The following CDC42SE2 variants were observed in gnomAD, a reference collection of about 807,000 sequenced individuals.
CDC42SE2 encodes CDC42 small effector protein 2.
CDC42SE2 carries 3 observed loss-of-function variants against 11.5 expected under a neutral mutation model. The ratio of observed to expected loss-of-function variants is 0.26; its 90% confidence interval spans 0.12 to 0.67. CDC42SE2 has a LOEUF of 0.67. Ranked by LOEUF, CDC42SE2 falls within the 30% of genes least tolerant of loss-of-function variation. The probability of loss-of-function intolerance (pLI) is 0.80; values close to 1 mark genes in which losing one functional copy is unlikely to be tolerated. For synonymous variants in CDC42SE2, 33 were observed against 34.8 expected, an observed-to-expected ratio of 0.95 and a Z score of 0.18; for missense variants, 82 against 106.8, an observed-to-expected ratio of 0.77 and a Z score of 1.02.
chr5:131,356,389 A>G (rs1233742202), intron 2 of CDC42SE2, among the ~76,000 whole-genome samples: 1 of 152,236 alleles, frequency 6.6e-6, no homozygotes, highest in African/African-American at 2.4e-5. Flanking sequence ...AGGTGTTTAT[A>G]TGTAAATATG....
At chr5:131,361,806 G>C (rs1278708487) in intron 3 of CDC42SE2, among the ~76,000 whole-genome samples, 1 of 152,110 alleles carries the variant, frequency 6.6e-6, no homozygotes, top group Non-Finnish European at 1.5e-5. Context: ...TAACTGCCCC[G>C]GCCAAACTCC....
At chr5:131,220,151 G>A in the CDC42SE2 span, among the ~76,000 whole-genome samples, 504 of 152,200 alleles carry the variant, frequency 3.3e-3, 5 homozygotes, top group African/African-American at 0.012. Context: ...ATTTAATTAT[G>A]CCATTGTTTT....
At chr5:131,230,362 A>C in the CDC42SE2 span, among the ~76,000 whole-genome samples, 1 of 152,188 alleles carries the variant, frequency 6.6e-6, no homozygotes, top group Non-Finnish European at 1.5e-5. Context: ...TTATTAACCA[A>C]TTTTTGAAAA....
Position 131,358,665 on chromosome 5 carries a change from T to G in CDC42SE2, c.-285-544T>G, listed in dbSNP as rs1354348746. 2.0e-5 allele frequency among the ~76,000 whole-genome samples: 3 copies of G among 152,144 alleles called. No homozygotes were observed. The East Asian group carries it at 5.8e-4, about 29-fold the overall frequency. Reference sequence around the variant, plus strand: ...GAGTGGTAGGGATCTAATAGCTCGATTCACAGAAGAAAGCCAACTTAACCT... The same window carrying G: ...GAGTGGTAGGGATCTAATAGCTCGAGTCACAGAAGAAAGCCAACTTAACCT... On this transcript the variant is annotated intron_variant, in intron 2 of 4. Coordinates refer to ENST00000505065, the MANE Select transcript of CDC42SE2 (RefSeq NM_001375635.1).
At chr5:131,282,240 A>T (rs911366482) in intron 1 of CDC42SE2, among the ~76,000 whole-genome samples, 1 of 152,254 alleles carries the variant, frequency 6.6e-6, no homozygotes, top group African/African-American at 2.4e-5. Context: ...TTCCTGAGAA[A>T]TCGAAACATT....
At chr5:131,329,004 C>A (rs1758355563) in intron 2 of CDC42SE2, among the ~76,000 whole-genome samples, 1 of 152,138 alleles carries the variant, frequency 6.6e-6, no homozygotes, top group Non-Finnish European at 1.5e-5. Context: ...GCTCCCCTGC[C>A]CCTTGTACAA....
At chr5:131,308,403 G>A (rs1044166872) in intron 1 of CDC42SE2, among the ~76,000 whole-genome samples, 14 of 151,938 alleles carry the variant, frequency 9.2e-5, no homozygotes, top group Non-Finnish European at 1.9e-4. Flanking sequence ...TGTTCTTTTG[G>A]CTTAGGATTG....
intron 1 of CDC42SE2, among the ~76,000 whole-genome samples, chr5:131,275,911 A>G (rs1757091230): frequency 6.6e-6 from 1 of 151,912 alleles, no homozygotes; most frequent in Non-Finnish European, 1.5e-5. Flanking sequence ...TTATATTTCC[A>G]TGGTAAACTA....
chr5:131,267,882 G>A (rs1396699025), intron 1 of CDC42SE2, among the ~76,000 whole-genome samples: 1 of 152,004 alleles, frequency 6.6e-6, no homozygotes, highest in African/African-American at 2.4e-5. Flanking sequence ...TTAAAAATGC[G>A]TGTTGGTTTT....
At chr5:131,354,836 T>C (rs1048296358) in intron 2 of CDC42SE2, 1 of 152,186 alleles carries the variant, frequency 6.6e-6, no homozygotes, top group African/African-American at 2.4e-5. Context: ...AAAAAAAATT[T>C]AAAATTTAAA....
At chr5:131,390,904 AATAAAATTCTG>A in intron 4 of CDC42SE2, 78 bp from the exon 5 acceptor site, 1 of 791,682 alleles carries the variant, frequency 1.3e-6, no homozygotes, top group Non-Finnish European at 2.0e-6. Context: ...AAGCAGCCCA[AATAAAATTCTG>A]GGAAAAGAAT....
the CDC42SE2 span, among the ~76,000 whole-genome samples, chr5:131,221,575 C>G: frequency 5.3e-5 from 8 of 151,690 alleles, no homozygotes; most frequent in Non-Finnish European, 1.0e-4. Context: ...GTAATATTCT[C>G]TTGTGTGAGC....
intron 2 of CDC42SE2, among the ~76,000 whole-genome samples, chr5:131,355,117 T>G (rs1195646475): frequency 6.6e-6 from 1 of 152,232 alleles, no homozygotes; most frequent in East Asian, 1.9e-4. Context: ...ATCTGAAATC[T>G]ACATTACTTC....
chr5:131,330,919 T>G (rs1281899388), intron 2 of CDC42SE2, among the ~76,000 whole-genome samples: 1 of 151,554 alleles, frequency 6.6e-6, no homozygotes, highest in South Asian at 2.1e-4. Flanking sequence ...ATAGCTACTC[T>G]AGAGGCTGAG....
At chr5:131,308,390 C>T in intron 1 of CDC42SE2, among the ~76,000 whole-genome samples, 1 of 152,088 alleles carries the variant, frequency 6.6e-6, no homozygotes, top group East Asian at 1.9e-4. Flanking sequence ...ATGCCTCCAG[C>T]TTTGTTCTTT....
chr5:131,279,014 A>G (rs1345765101), intron 1 of CDC42SE2, among the ~76,000 whole-genome samples: 1 of 151,216 alleles, frequency 6.6e-6, no homozygotes, highest in Non-Finnish European at 1.5e-5. Flanking sequence ...TGAACTCCCA[A>G]CCTCAAGTGA....
chr5:131,293,256 T>G (rs1396957294), intron 1 of CDC42SE2, among the ~76,000 whole-genome samples: 2 of 152,066 alleles, frequency 1.3e-5, no homozygotes, highest in African/African-American at 2.4e-5. Context: ...GAAGATACAG[T>G]GAGAAGGTAC....
rs1020914053 is a variant in CDC42SE2 at position 131,248,822 on chromosome 5, T to C, written n.107+3223T>C. On this transcript the variant is annotated intron_variant and non_coding_transcript_variant, in intron 1 of 3. Transcript: ENST00000502840. ...GAAACACGAAAAAGTTCTGAATAAA[T>C]GGAGAGCTGTACCTGTGTTAATGTG... Among the ~76,000 whole-genome samples the C allele has an allele frequency of 8.5e-5, 13 of 152,170 alleles. 1 individual carries two copies. In the South Asian group the frequency reaches 1.9e-3, roughly 22 times the overall value.
intron 1 of CDC42SE2, among the ~76,000 whole-genome samples, chr5:131,311,447 CTT>C: frequency 6.6e-6 from 1 of 151,362 alleles, no homozygotes; most frequent in Non-Finnish European, 1.5e-5. Flanking sequence ...CAAGGAGTAT[CTT>C]TGTGGCGTTC....
Sources: allele counts gnomAD v4.1 joint callset (sites outside exome capture counted in the v4.1 genomes callset), GRCh38; gene constraint gnomAD v4.1.1; transcripts MANE v1.5; gene names NCBI Gene and HGNC (gene_info 2026-07-23, HGNC 2026-07-21).